PDE4B: variants seen among roughly 807,000 people sequenced by gnomAD.
PDE4B encodes phosphodiesterase 4B, also known as 3',5'-cyclic-AMP phosphodiesterase 4B.
In PDE4B, 20 loss-of-function variants were observed where a neutral mutation model predicts 82.2. The observed-to-expected ratio is 0.24, with a 90% CI of 0.17 to 0.35. The LOEUF is 0.35. Ranked by LOEUF, PDE4B falls within the 10% of genes least tolerant of loss-of-function variation. PDE4B has a pLI of 1.00. For missense variants in PDE4B, 655 were observed against 907.2 expected (o/e 0.72, Z 3.57); for synonymous variants, 320 against 318.9 (o/e 1.00, Z -0.04).
At chr1:65,860,240 C>T (rs1390353641) in intron 1 of PDE4B, among the ~76,000 whole-genome samples, 1 of 152,130 alleles carries the variant, frequency 6.6e-6, no homozygotes, top group Non-Finnish European at 1.5e-5. Flanking sequence ...ATGTTCCCCT[C>T]CCTGTGTCCA....
At chr1:65,941,749 T>C (rs1311694509) in intron 3 of PDE4B, among the ~76,000 whole-genome samples, 1 of 152,126 alleles carries the variant, frequency 6.6e-6, no homozygotes, top group Admixed American at 6.6e-5. Flanking sequence ...TATTTTTTTG[T>C]GATGAAACAC....
chr1:66,242,393 A>G (rs1035165388), intron 3 of PDE4B, among the ~76,000 whole-genome samples: 19 of 152,222 alleles, frequency 1.2e-4, no homozygotes, highest in Non-Finnish European at 2.4e-4. Flanking sequence ...AAAGGCAGTG[A>G]ACCATTCTGC....
intron 3 of PDE4B, among the ~76,000 whole-genome samples, chr1:66,246,153 G>C (rs1267879427): frequency 6.6e-6 from 1 of 152,176 alleles, no homozygotes; most frequent in Admixed American, 6.5e-5. Flanking sequence ...CAAGTTACTA[G>C]CCTATGACTC....
intron 3 of PDE4B, among the ~76,000 whole-genome samples, chr1:66,165,708 A>C (rs187667239): frequency 3.3e-5 from 5 of 152,296 alleles, no homozygotes; most frequent in Admixed American, 2.0e-4. Flanking sequence ...TTTTATGCTG[A>C]AAACTACAAA....
chr1:66,231,892 G>A (rs1052237548), intron 3 of PDE4B, among the ~76,000 whole-genome samples: 1 of 152,306 alleles, frequency 6.6e-6, no homozygotes, highest in South Asian at 2.1e-4. Flanking sequence ...GGTCAAGTGT[G>A]AGTGAGGTAA....
At chr1:65,912,666 T>C (rs1322884856) in intron 1 of PDE4B, among the ~76,000 whole-genome samples, 10 of 152,222 alleles carry the variant, frequency 6.6e-5, no homozygotes, top group African/African-American at 2.4e-4. Context: ...GCAATAGACA[T>C]ATGAGAGATT....
intron 3 of PDE4B, among the ~76,000 whole-genome samples, chr1:66,210,551 G>T (rs543515319): frequency 8.1e-6 from 1 of 123,264 alleles, no homozygotes; most frequent in Non-Finnish European, 1.6e-5. Context: ...AGCCAAGATC[G>T]CACCACTGCA....
chr1:66,129,553 G>C (rs2101104826), intron 3 of PDE4B, among the ~76,000 whole-genome samples: 1 of 150,026 alleles, frequency 6.7e-6, no homozygotes, highest in East Asian at 2.0e-4. Context: ...CCAGCTACTT[G>C]GGAGGCTGAG....
chr1:66,025,636 TGTTTCCATGTGA>T (rs1477371434), intron 3 of PDE4B, among the ~76,000 whole-genome samples: 3 of 152,214 alleles, frequency 2.0e-5, no homozygotes, highest in African/African-American at 7.2e-5. Flanking sequence ...CCCAGACTAA[TGTTTCCATGTGA>T]GTTTCCTAAT....
At chr1:66,027,198 G>A (rs1653490803) in intron 3 of PDE4B, among the ~76,000 whole-genome samples, 1 of 152,186 alleles carries the variant, frequency 6.6e-6, no homozygotes, top group Non-Finnish European at 1.5e-5. Context: ...CATGGCTGCA[G>A]AGGCCTCAGA....
At chr1:66,147,790 A>G (rs1368326347) in intron 3 of PDE4B, among the ~76,000 whole-genome samples, 1 of 152,244 alleles carries the variant, frequency 6.6e-6, no homozygotes, top group African/African-American at 2.4e-5. Flanking sequence ...TGAGAAAGCC[A>G]GACTTGTAAG....
chr1:66,164,982 C>A (rs1240648515), intron 3 of PDE4B, among the ~76,000 whole-genome samples: 1 of 151,782 alleles, frequency 6.6e-6, no homozygotes, highest in Non-Finnish European at 1.5e-5. Context: ...AGGATGGTCT[C>A]GATCTCCTGA....
chr1:65,881,318 T>C (rs984646368), intron 1 of PDE4B, among the ~76,000 whole-genome samples: 4 of 152,168 alleles, frequency 2.6e-5, no homozygotes, highest in African/African-American at 7.2e-5. Flanking sequence ...ATTCAGTTAC[T>C]GATCATTGTG....
intron 3 of PDE4B, among the ~76,000 whole-genome samples, chr1:65,975,042 C>A (rs919107890): frequency 6.6e-6 from 1 of 152,146 alleles, no homozygotes; most frequent in Non-Finnish European, 1.5e-5. Context: ...TTGGAGGACT[C>A]AGAATAAGAC....
At chr1:65,824,189 C>T (rs888188094) in intron 1 of PDE4B, among the ~76,000 whole-genome samples, 9 of 152,106 alleles carry the variant, frequency 5.9e-5, no homozygotes, top group Non-Finnish European at 8.8e-5. Context: ...ATCAATTCCT[C>T]AAGGTCAATA....
At position 66,257,671 on chromosome 1, in the gene PDE4B, T is replaced by G. The variant is rs1294076383; in HGVS notation, c.501T>G (p.Thr167=). 1.9e-6 allele frequency: 3 copies of G among 1,613,734 alleles called. No individual in the cohort carries two copies. Among genetic ancestry groups the G allele is most frequent in the Non-Finnish European group, 2.5e-6 (3 of 1,179,750 alleles). ...GACACGGCGATGACTTGATTGTAAC[T>G]CCTTTTGCCCAGGTATGTATTATGC... is the stretch of plus-strand genomic sequence containing the variant. ...SEQHGDDLIV[T]PFAQVLASLR... is the part of the protein sequence containing the mutation. Residue 167 remains threonine (T), a synonymous_variant, in exon 5 of 17, where the codon ACT becomes ACG. Coordinates refer to ENST00000341517, the MANE Select transcript of PDE4B (RefSeq NM_002600.4).
intron 3 of PDE4B, among the ~76,000 whole-genome samples, chr1:66,057,540 A>G (rs1655366897): frequency 6.6e-6 from 1 of 152,190 alleles, no homozygotes; most frequent in South Asian, 2.1e-4. Flanking sequence ...GGGCAATTAC[A>G]AAAGAAAGAG....
intron 3 of PDE4B, among the ~76,000 whole-genome samples, chr1:66,008,871 T>C (rs1311807839): frequency 6.6e-6 from 1 of 152,136 alleles, no homozygotes; most frequent in African/African-American, 2.4e-5. Context: ...CAAGTCTAAA[T>C]ATTGGAATGC....
At chr1:66,212,965 C>A (rs1379783147) in intron 3 of PDE4B, among the ~76,000 whole-genome samples, 1 of 152,210 alleles carries the variant, frequency 6.6e-6, no homozygotes, top group Non-Finnish European at 1.5e-5. Flanking sequence ...TGGTACATAC[C>A]GCCTCCAAAG....
Sources: allele counts gnomAD v4.1 joint callset (sites outside exome capture counted in the v4.1 genomes callset), GRCh38; gene constraint gnomAD v4.1.1; transcripts MANE v1.5; gene names NCBI Gene and HGNC (gene_info 2026-07-23, HGNC 2026-07-21).